ATP7B: variants seen among roughly 807,000 people sequenced by gnomAD.
The protein encoded by ATP7B is ATPase copper transporting beta, also known as copper-transporting ATPase 2.
In ATP7B, 113 loss-of-function variants were observed where a neutral mutation model predicts 118.9. That is an observed-to-expected ratio of 0.95 (90% CI 0.82 to 1.11). The LOEUF (loss-of-function observed/expected upper bound fraction) is 1.11, where lower values mean the gene tolerates loss of function less well. Among genes scored for constraint, ATP7B ranks in the 50% most tolerant of loss-of-function variants. ATP7B has a pLI of 0.00. For synonymous variants in ATP7B, 777 were observed against 727.4 expected (o/e 1.07, Z -1.10); for missense variants, 1,867 against 1,871.4 (o/e 1.00, Z 0.04).
chr13:51,968,373 A>G (rs868473428), intron 4 of ATP7B, 71 bp downstream of exon 4: 12 of 1,607,006 alleles, frequency 7.5e-6, no homozygotes, highest in Non-Finnish European at 1.0e-5. Context: ...TTTACTAATC[A>G]CAAAGATGGA....
chr13:51,991,154 C>A (rs958637587), intron 1 of ATP7B, among the ~76,000 whole-genome samples: 1 of 151,944 alleles, frequency 6.6e-6, no homozygotes, highest in African/African-American at 2.4e-5. Context: ...ATATTCTGGT[C>A]TCTAAAAATG....
intron 1 of ATP7B, among the ~76,000 whole-genome samples, chr13:52,006,336 C>T (rs2140635335): frequency 6.6e-6 from 1 of 152,312 alleles, no homozygotes; most frequent in South Asian, 2.1e-4. Context: ...CACTTAAATC[C>T]ATCTCTGTCA....
chr13:51,957,237 T>G (rs1175484675), intron 9 of ATP7B, among the ~76,000 whole-genome samples: 1 of 152,192 alleles, frequency 6.6e-6, no homozygotes, highest in East Asian at 1.9e-4. Context: ...CTCTGTGAAG[T>G]TTCCCTTGAC....
At chr13:51,962,406 C>T (rs79075156) in intron 5 of ATP7B, among the ~76,000 whole-genome samples, 12,500 of 152,216 alleles carry the variant, frequency 0.082, 698 homozygotes, top group Non-Finnish European at 0.12. Flanking sequence ...GAGCCTACAC[C>T]GCAATCTTGT....
intron 6 of ATP7B, among the ~76,000 whole-genome samples, chr13:51,961,158 C>A (rs1037623049): frequency 7.3e-5 from 11 of 151,684 alleles, no homozygotes; most frequent in African/African-American, 2.7e-4. Context: ...TCTTATGTCC[C>A]CTGCTTGGAG....
At chr13:51,979,439 A>G (rs186060356) in intron 1 of ATP7B, among the ~76,000 whole-genome samples, 1 of 152,364 alleles carries the variant, frequency 6.6e-6, no homozygotes, top group Admixed American at 6.5e-5. Context: ...CTTTCACTAT[A>G]TAATTTAACT....
rs144246373 is a variant in ATP7B at position 51,981,034 on chromosome 13, T to C, written c.52-5866A>G. On this transcript the variant is annotated intron_variant, in intron 1 of 20. Transcript: ENST00000242839. ...TATTTTATGAGGATGGCATTTTATA[T>C]CCCTCATGCTTAGGGCAATTCTAGA... is the stretch of plus-strand genomic sequence containing the variant. Among the ~76,000 whole-genome samples the C allele has an allele frequency of 1.9e-3, 290 of 152,290 alleles. 2 individuals carry two copies. The East Asian group carries it at 0.02, about 11-fold the overall frequency.
intron 1 of ATP7B, among the ~76,000 whole-genome samples, chr13:51,989,469 C>T (rs1050256606): frequency 6.6e-6 from 1 of 151,806 alleles, no homozygotes; most frequent in Non-Finnish European, 1.5e-5. Flanking sequence ...TTCTCTCAAC[C>T]ACAGCAAGGG....
intron 1 of ATP7B, among the ~76,000 whole-genome samples, chr13:51,984,951 C>T (rs1952584205): frequency 6.6e-6 from 1 of 152,162 alleles, no homozygotes. Context: ...TGGTACCAGT[C>T]ACTGCAAAAA....
Position 51,937,508 on chromosome 13 carries a change from C to A in ATP7B, c.3871G>T (p.Ala1291Ser). 6.2e-7 allele frequency: 1 copy of A among 1,614,162 alleles called. No individual in the cohort carries two copies. The highest frequency in any genetic ancestry group is 1.6e-4 in the Middle Eastern group (1 of 6,062). The change falls in exon 18 of 21, where the codon GCC becomes TCC. Residue 1291 changes from alanine (A) to serine (S), a missense_variant. Coordinates refer to ENST00000242839, the MANE Select transcript of ATP7B (RefSeq NM_000053.4). ...AGGACGACGTCGGCTGCCTCGATGG[C>A]CACATCCGTGCCGGTGCCAATGGCC... ...GVAIGTGTDV[A>S]IEAADVVLIR...
At chr13:51,950,831 G>A (rs970805905) in intron 9 of ATP7B, among the ~76,000 whole-genome samples, 15 of 152,048 alleles carry the variant, frequency 9.9e-5, no homozygotes, top group African/African-American at 2.7e-4. Flanking sequence ...CAACACACAC[G>A]GAAAGGAAGT....
chr13:51,959,450 A>G (rs940373462), intron 7 of ATP7B: 9 of 150,664 alleles, frequency 6.0e-5, no homozygotes, highest in African/African-American at 2.2e-4. Context: ...TCAAGACTAC[A>G]GTGAACTATG....
rs764985395 is a variant in ATP7B at position 51,974,345 on chromosome 13, A to G, written c.875T>C (p.Leu292Ser). 16 of 1,613,972 alleles carry G rather than the reference A, an allele frequency of 9.9e-6. 1 individual carries two copies. The South Asian group carries it at 1.4e-4, about 14-fold the overall frequency. The change falls in exon 2 of 21, where the codon TTG (leucine) becomes TCG (serine). Residue 292 changes from leucine to serine, a missense_variant. Leu to Ser is a moderately radical substitution (Grantham distance 145). Coordinates refer to ENST00000242839, the MANE Select transcript of ATP7B (RefSeq NM_000053.4). The part of the protein sequence containing the change: ...LLGVQSIQVS[L>S]ENKTAQVKYD... ...CTTTACTTGGGCAGTTTTGTTCTCC[A>G]AGGACACTTGAATACTTTGAACCCC... is the stretch of plus-strand genomic sequence containing the variant.
chr13:51,947,254 T>G (rs533691934), intron 12 of ATP7B, among the ~76,000 whole-genome samples: 103 of 152,336 alleles, frequency 6.8e-4, no homozygotes, highest in African/African-American at 2.4e-3. Context: ...GAATACAGCA[T>G]TTCAACAATA....
At chr13:51,949,334 G>A (rs1957850431) in intron 12 of ATP7B, among the ~76,000 whole-genome samples, 1 of 152,104 alleles carries the variant, frequency 6.6e-6, no homozygotes, top group African/African-American at 2.4e-5. Flanking sequence ...GATTTAAAGT[G>A]AACTATTTTC....
rs767877891 is a variant in ATP7B, at chr13:51,949,669, T to G, written c.2858A>C (p.Tyr953Ser). 17 of 1,613,758 alleles carry G rather than the reference T, an allele frequency of 1.1e-5. No individual in the cohort carries two copies. Among genetic ancestry groups the G allele is most frequent in the Non-Finnish European group, 1.7e-6 (2 of 1,180,028 alleles). Reference protein sequence around the residue: ...GFIDFGVVQRYFPNPNKHISQ... With the variant: ...GFIDFGVVQRSFPNPNKHISQ... ...CCAAGGCATTCAACTTACAGGAAAG[T>G]ATCTCTGAACAACACCAAAATCGAT... The change falls in exon 12 of 21, where the codon TAC (tyrosine) becomes TCC (serine). Residue 953 changes from tyrosine (Y) to serine (S), a missense_variant. By Grantham distance (144) the Tyr-to-Ser change is moderately radical (BLOSUM62 -2). Transcript: ENST00000242839.
chr13:51,957,458 G>A, intron 9 of ATP7B, 58 bp downstream of exon 9: 4 of 1,518,532 alleles, frequency 2.6e-6, no homozygotes, highest in Non-Finnish European at 3.7e-6. Context: ...GGCATCTGAT[G>A]CAGCTCACAC....
At chr13:52,011,253 G>A (rs755880082) in intron 1 of ATP7B, 34 bp downstream of exon 1, 2 of 1,614,160 alleles carry the variant, frequency 1.2e-6, no homozygotes, top group Non-Finnish European at 1.7e-6. Flanking sequence ...GTGGGAGTGA[G>A]CACGCTGCGC....
intron 3 of ATP7B, among the ~76,000 whole-genome samples, chr13:51,969,059 C>A (rs1316776040): frequency 2.0e-5 from 3 of 151,248 alleles, no homozygotes; most frequent in Admixed American, 2.0e-4. Context: ...TGGGGTTTCA[C>A]CATGTTGGTC....
Sources: allele counts gnomAD v4.1 joint callset (sites outside exome capture counted in the v4.1 genomes callset), GRCh38; gene constraint gnomAD v4.1.1; transcripts MANE v1.5; gene names NCBI Gene and HGNC (gene_info 2026-07-23, HGNC 2026-07-21).